Variants in CUX2 observed in about 807,000 individuals in gnomAD.
CUX2 encodes the protein cut like homeobox 2.
Under a neutral mutation model 144.8 loss-of-function variants are expected in CUX2, and 40 were observed. The ratio of observed to expected loss-of-function variants is 0.28; its 90% CI spans 0.21 to 0.36. The LOEUF (loss-of-function observed/expected upper bound fraction) is 0.36, where lower values mean the gene tolerates loss of function less well. CUX2 is among the 10% of genes least tolerant of loss of function. The pLI, the probability that CUX2 is intolerant of heterozygous loss-of-function variation, is 1.00. For synonymous variants in CUX2, 827 were observed against 875.6 expected, an observed-to-expected ratio of 0.94 and a Z score of 0.98; for missense variants, 1,615 against 1,994.0, an observed-to-expected ratio of 0.81 and a Z score of 3.62.
intron 1 of CUX2, among the ~76,000 whole-genome samples, chr12:111,139,930 C>T (rs11837451): frequency 0.014 from 2,146 of 152,274 alleles, 58 homozygotes; most frequent in African/African-American, 0.049. Context: ...AGCCGTGTGA[C>T]CTTGGGTAAG....
intron 1 of CUX2, among the ~76,000 whole-genome samples, chr12:111,071,055 T>TAAGG (rs1350155841): frequency 1.3e-5 from 2 of 151,960 alleles, no homozygotes; most frequent in African/African-American, 4.8e-5. Flanking sequence ...CAGTTATGAG[T>TAAGG]AAGGCTGCTG....
chr12:111,036,317 G>A (rs557589343), intron 1 of CUX2, among the ~76,000 whole-genome samples: 4 of 152,282 alleles, frequency 2.6e-5, no homozygotes, highest in South Asian at 4.2e-4. Context: ...GCTGCAGCCC[G>A]GGGAGAGGCA....
At chr12:111,175,656 T>G (rs1385123068) in intron 1 of CUX2, among the ~76,000 whole-genome samples, 1 of 152,212 alleles carries the variant, frequency 6.6e-6, no homozygotes, top group Non-Finnish European at 1.5e-5. Flanking sequence ...AGGTAGGGAC[T>G]GCCTCCCTGG....
intron 1 of CUX2, among the ~76,000 whole-genome samples, chr12:111,150,602 C>T (rs901116016): frequency 6.6e-6 from 1 of 152,130 alleles, no homozygotes; most frequent in African/African-American, 2.4e-5. Flanking sequence ...AATAAGGAGC[C>T]TGAAATCTTC....
At chr12:111,184,267 G>A (rs1287432239) in intron 1 of CUX2, among the ~76,000 whole-genome samples, 2 of 152,124 alleles carry the variant, frequency 1.3e-5, no homozygotes, top group East Asian at 1.9e-4. Flanking sequence ...ATAGTAAGAG[G>A]AAACCCTGGA....
chr12:111,134,620 C>CTGTGTGTGTGTG (rs750270262), intron 1 of CUX2, among the ~76,000 whole-genome samples: 63 of 142,128 alleles, frequency 4.4e-4, no homozygotes, highest in Non-Finnish European at 6.1e-4. Context: ...CTCTCTCTCT[C>CTGTGTGTGTGTG]TGTGTGTGTG....
rs892769646 is a variant in CUX2 at position 111,061,119 on chromosome 12, AG to A, written c.63+26880del. On this transcript the variant is annotated intron_variant, in intron 1 of 21. Transcript: ENST00000261726. This position sits in a 1 kb window ranked among gnomAD's most constrained non-coding sequence, Gnocchi z 4.2. ...TCATGGCTGTGGCCCTGCAGAGGCC[AG>A]CCGCTGATCAGTGAGTCTCTGCAGG... is the stretch of plus-strand genomic sequence containing the variant. Among the ~76,000 whole-genome samples the A allele has an allele frequency of 6.6e-6, 1 of 151,798 alleles. No homozygotes were observed. Among genetic ancestry groups the A allele is most frequent in the Non-Finnish European group, 1.5e-5 (1 of 67,958 alleles).
At chr12:111,341,682 G>A (rs1565934043) in intron 20 of CUX2, 98 bp from the exon 21 acceptor site, 1 of 1,401,986 alleles carries the variant, frequency 7.1e-7, no homozygotes, top group East Asian at 2.3e-5. Flanking sequence ...CCTCCGAGTG[G>A]GCCTGACAGA....
intron 3 of CUX2, among the ~76,000 whole-genome samples, chr12:111,225,967 C>T (rs560995823): frequency 6.6e-6 from 1 of 152,210 alleles, no homozygotes; most frequent in Non-Finnish European, 1.5e-5. Flanking sequence ...TGTGCACACA[C>T]ATGACCCACC....
At chr12:111,339,785 G>A (rs1344181213) in intron 20 of CUX2, among the ~76,000 whole-genome samples, 1 of 152,208 alleles carries the variant, frequency 6.6e-6, no homozygotes, top group African/African-American at 2.4e-5. Flanking sequence ...ACCTAGGGCT[G>A]GGCCATCATC....
intron 20 of CUX2, among the ~76,000 whole-genome samples, chr12:111,339,211 G>A (rs748611065): frequency 2.0e-5 from 3 of 151,678 alleles, no homozygotes; most frequent in African/African-American, 4.9e-5. Context: ...CACCCTGGGC[G>A]ACAGAACGAC....
intron 1 of CUX2, among the ~76,000 whole-genome samples, chr12:111,060,630 C>T (rs1047257358): frequency 2.6e-5 from 4 of 152,234 alleles, no homozygotes; most frequent in Non-Finnish European, 4.4e-5. Flanking sequence ...AGGGATCTCA[C>T]TCCTGAACTT....
At chr12:111,206,333 GA>G (rs1208289345) in intron 1 of CUX2, among the ~76,000 whole-genome samples, 5 of 151,526 alleles carry the variant, frequency 3.3e-5, no homozygotes, top group East Asian at 1.9e-4. Flanking sequence ...CCCTGTCTAA[GA>G]AAAAAAAAGT....
intron 3 of CUX2, among the ~76,000 whole-genome samples, chr12:111,251,361 T>C (rs1883552921): frequency 6.6e-6 from 1 of 152,212 alleles, no homozygotes. Context: ...AGCTTCCTTT[T>C]GGAACTGAGC....
At chr12:111,302,002 G>T (rs1164281122) in intron 9 of CUX2, among the ~76,000 whole-genome samples, 1 of 152,156 alleles carries the variant, frequency 6.6e-6, no homozygotes, top group Non-Finnish European at 1.5e-5. Flanking sequence ...TTCCCTAACT[G>T]TACAGAAACA....
intron 20 of CUX2, among the ~76,000 whole-genome samples, chr12:111,340,451 G>C (rs1057019348): frequency 1.3e-5 from 2 of 152,160 alleles, no homozygotes; most frequent in African/African-American, 4.8e-5. Context: ...GCTCATACCT[G>C]TAATCTCAGC....
chr12:111,243,591 A>G lies in CUX2; in HGVS notation c.223-20170A>G, dbSNP rs916871913. ...CAATCATAGCTCACTGCAGCCTCAA[A>G]TTCCTGGGCTCAAGTGATCCTCCCA... On this transcript the variant is annotated intron_variant, in intron 3 of 21. Transcript: ENST00000261726. Among the ~76,000 whole-genome samples the G allele has an allele frequency of 2.1e-5, 3 of 145,756 alleles. No homozygotes were observed. In the South Asian group the frequency reaches 6.5e-4, roughly 32 times the overall value.
chr12:111,336,865 G>A (rs1203294200), intron 19 of CUX2, among the ~76,000 whole-genome samples: 1 of 151,516 alleles, frequency 6.6e-6, no homozygotes, highest in Non-Finnish European at 1.5e-5. Flanking sequence ...ATATTGCGTT[G>A]CAACTTGCTT....
chr12:111,163,474 G>A (rs559629904), intron 1 of CUX2, among the ~76,000 whole-genome samples: 18 of 152,258 alleles, frequency 1.2e-4, no homozygotes, highest in African/African-American at 2.6e-4. Context: ...TTTTACCTGC[G>A]GGAGGATGTA....
Sources: gnomAD v4.1 joint callset for allele counts (sites outside exome capture counted in the v4.1 genomes callset) on GRCh38, gnomAD v4.1.1 for gene constraint, Gnocchi (gnomAD v3.1) non-coding constraint, MANE v1.5 for transcripts, NCBI Gene and HGNC (gene_info 2026-07-23, HGNC 2026-07-21) for gene names.